Variants in CEP350 observed in about 807,000 individuals in gnomAD.
CEP350 encodes centrosomal protein 350, also known as centrosome-associated protein 350.
Under a neutral mutation model 331.8 loss-of-function variants are expected in CEP350, and 126 were observed. That is an observed-to-expected ratio of 0.38 (90% CI 0.33 to 0.44). The LOEUF is 0.44. Ranked by LOEUF, CEP350 falls within the 20% of genes least tolerant of loss-of-function variation. The probability of loss-of-function intolerance (pLI) is 1.00; values close to 1 mark genes in which losing one functional copy is unlikely to be tolerated. For synonymous variants in CEP350, 1,200 were observed against 1,259.5 expected (o/e 0.95, Z 1.00); for missense variants, 3,406 against 3,634.6 (o/e 0.94, Z 1.62).
intron 32 of CEP350, among the ~76,000 whole-genome samples, 169 bp from the exon 33 acceptor site, chr1:180,090,545 C>CAAAAAAAAAAGAAA (rs1553265952): frequency 1.3e-5 from 1 of 77,378 alleles, no homozygotes; most frequent in African/African-American, 5.5e-5. Flanking sequence ...GACTCCGTCT[C>CAAAAAAAAAAGAAA]AAAAAAAAAA....
intron 25 of CEP350, among the ~76,000 whole-genome samples, chr1:180,058,674 G>T (rs770814532): frequency 6.6e-6 from 1 of 152,138 alleles, no homozygotes; most frequent in African/African-American, 2.4e-5. Context: ...AATGCCAGTC[G>T]TAGGGATATG....
intron 25 of CEP350, among the ~76,000 whole-genome samples, 166 bp from the exon 26 acceptor site, chr1:180,062,054 A>G (rs1432729398): frequency 1.3e-5 from 2 of 152,054 alleles, no homozygotes; most frequent in East Asian, 3.8e-4. Context: ...ATTATATATG[A>G]TTTATTTCCT....
chr1:179,962,646 G>A (rs999951671), intron 1 of CEP350, among the ~76,000 whole-genome samples: 8 of 152,076 alleles, frequency 5.3e-5, no homozygotes, highest in African/African-American at 1.9e-4. Flanking sequence ...CTGACCTCAT[G>A]ATCTGCCCAC....
At chr1:180,025,851 C>T (rs942853678) in intron 14 of CEP350, among the ~76,000 whole-genome samples, 4 of 151,972 alleles carry the variant, frequency 2.6e-5, no homozygotes, top group African/African-American at 7.3e-5. Flanking sequence ...ACCACCATGG[C>T]GCATATATAC....
In CEP350 at chr1:180,084,442, G is replaced by A. The variant is rs144372472; in HGVS notation, c.6285+264G>A. Among the ~76,000 whole-genome samples, 977 of 152,276 alleles carry A rather than the reference G, an allele frequency of 6.4e-3. 4 individuals are homozygous for A. Among genetic ancestry groups the A allele is most frequent in the South Asian group, 8.1e-3 (39 of 4,822 alleles). ...TGCAGTGGCGCGATCTCTGCTCACT[G>A]CAAGATCCGCCCCCTGGGTTCACGC... On this transcript the variant is annotated intron_variant, in intron 31 of 37. Coordinates refer to ENST00000367607, the MANE Select transcript of CEP350 (RefSeq NM_014810.5).
At chr1:180,105,797 A>G (rs1661109432) in intron 37 of CEP350, among the ~76,000 whole-genome samples, 1 of 152,226 alleles carries the variant, frequency 6.6e-6, no homozygotes, top group Non-Finnish European at 1.5e-5. Context: ...TAAACATTTC[A>G]TAATAAACAG....
Position 179,992,209 on chromosome 1 carries a change from T to C in CEP350, c.383T>C (p.Leu128Ser), listed in dbSNP as rs749132456. 4.0e-6 allele frequency: 6 copies of C among 1,505,198 alleles called. No individual in the cohort carries two copies. The highest frequency in any genetic ancestry group is 5.3e-6 in the Non-Finnish European group (6 of 1,133,980). 93.2% of individuals were successfully genotyped at this position (1,505,198 alleles called of 1,614,324 possible). A position where few individuals can be genotyped will look rare whatever the true frequency, so the allele number is the denominator to read the frequency against. ...AATCGTGTGGAATTTCGTGAACCTT[T>C]GGTTTCTTATAGGTTAGTATTGAGA... Reference protein sequence around the residue: ...KNNRVEFREPLVSYREIHGAP... With the variant: ...KNNRVEFREPSVSYREIHGAP... Residue 128 changes from leucine to serine, a missense_variant, in exon 5 of 38, where the codon TTG (leucine) becomes TCG (serine). This residue lies in a region of CEP350 where 1,857 missense variants were observed against 1,909.2 expected (regional missense o/e 0.97). Transcript: ENST00000367607.
At chr1:180,035,574 G>T (rs995097939) in intron 16 of CEP350, among the ~76,000 whole-genome samples, 1 of 152,182 alleles carries the variant, frequency 6.6e-6, no homozygotes, top group Non-Finnish European at 1.5e-5. Flanking sequence ...TGCCTGTGCT[G>T]TATTAATGGA....
intron 7 of CEP350, among the ~76,000 whole-genome samples, chr1:180,004,861 G>T (rs1654104350): frequency 6.9e-6 from 1 of 145,758 alleles, no homozygotes; most frequent in African/African-American, 2.6e-5. Flanking sequence ...AGCTTGGGCA[G>T]GCAGGCTGGC....
intron 1 of CEP350, among the ~76,000 whole-genome samples, chr1:179,960,251 T>C (rs1301238480): frequency 7.8e-6 from 1 of 128,948 alleles, no homozygotes; most frequent in Non-Finnish European, 1.6e-5. Flanking sequence ...GTTCACCTAA[T>C]GCGTGCACCT....
intron 25 of CEP350, among the ~76,000 whole-genome samples, chr1:180,056,471 C>T (rs1335275486): frequency 1.8e-5 from 2 of 112,504 alleles, no homozygotes; most frequent in East Asian, 2.9e-4. Flanking sequence ...CCCCTCCCCC[C>T]CCCCCTTTTT....
chr1:179,984,432 G>C (rs1431769075), intron 1 of CEP350, among the ~76,000 whole-genome samples: 1 of 152,196 alleles, frequency 6.6e-6, no homozygotes, highest in Non-Finnish European at 1.5e-5. Flanking sequence ...CAAGGGGATA[G>C]CTCACCCACA....
chr1:180,060,872 A>G (rs756881333), intron 25 of CEP350, among the ~76,000 whole-genome samples: 1 of 152,172 alleles, frequency 6.6e-6, no homozygotes. Context: ...AGATAAGCAC[A>G]AATATTTTTA....
Position 180,114,832 on chromosome 1 carries a change from T to C in CEP350, c.*3671T>C, listed in dbSNP as rs1221341086. The C allele has an allele frequency of 6.5e-6, 1 of 152,678 alleles. No individual in the cohort carries two copies. The highest frequency in any genetic ancestry group is 2.1e-4 in the South Asian group (1 of 4,836). The allele number at this position is 152,678 out of a possible 1,614,324, so 9.5% of individuals were successfully genotyped here. On this transcript the variant is annotated 3_prime_UTR_variant, in exon 38 of 38. Coordinates refer to ENST00000367607, the MANE Select transcript of CEP350 (RefSeq NM_014810.5). ...AATAGATTTGTTAACTGAAATATAC[T>C]TTAAGAAAGATAAAATCTGTAAATA...
intron 5 of CEP350, among the ~76,000 whole-genome samples, chr1:179,996,176 A>G (rs1379298150): frequency 2.0e-5 from 3 of 152,180 alleles, no homozygotes; most frequent in African/African-American, 7.2e-5. Context: ...GCCTTGAGTC[A>G]TAATATTATT....
intron 17 of CEP350, among the ~76,000 whole-genome samples, chr1:180,040,647 A>AT (rs376804329): frequency 0.078 from 11,686 of 150,302 alleles, 590 homozygotes; most frequent in African/African-American, 0.15. Flanking sequence ...TGAAAAAAAA[A>AT]ATATATATAT....
rs370451721 is a variant in CEP350, at chr1:180,034,123, T to C, written c.3946+41T>C. On this transcript the variant is annotated intron_variant, in intron 16 of 37. Coordinates refer to ENST00000367607, the MANE Select transcript of CEP350 (RefSeq NM_014810.5). ...CAATTGTAATTTTTAGAATACGATA[T>C]GAAATTTTTTTCTCTCAACATTCCT... The C allele has an allele frequency of 1.1e-5, 17 of 1,569,812 alleles. No individual in the cohort carries two copies. In the African/African-American group the frequency reaches 1.8e-4, roughly 16 times the overall value.
intron 14 of CEP350, among the ~76,000 whole-genome samples, chr1:180,030,011 T>C (rs1163514313): frequency 6.6e-6 from 1 of 152,154 alleles, no homozygotes; most frequent in African/African-American, 2.4e-5. Flanking sequence ...CTTTTAAGGC[T>C]GAATAATATT....
intron 27 of CEP350, among the ~76,000 whole-genome samples, chr1:180,068,193 A>G (rs1362483039): frequency 2.0e-5 from 3 of 152,184 alleles, no homozygotes; most frequent in African/African-American, 7.2e-5. Flanking sequence ...ATTTTTGGCT[A>G]TAGTGAAAGA....
Sources: allele counts gnomAD v4.1 joint callset (sites outside exome capture counted in the v4.1 genomes callset), GRCh38; gene constraint gnomAD v4.1.1; regional missense constraint gnomAD v4.1.1; transcripts MANE v1.5; gene names NCBI Gene and HGNC (gene_info 2026-07-23, HGNC 2026-07-21).